Variants in TRPC3 observed in about 807,000 individuals in gnomAD.
The protein encoded by TRPC3 is short transient receptor potential channel 3.
Under a neutral mutation model 90.9 loss-of-function variants are expected in TRPC3, and 54 were observed. The ratio of observed to expected loss-of-function variants is 0.59; its 90% CI spans 0.48 to 0.75. TRPC3 has a LOEUF of 0.75. Ranked by LOEUF, TRPC3 falls within the 30% of genes least tolerant of loss-of-function variation. The pLI, the probability that TRPC3 is intolerant of heterozygous loss-of-function variation, is 0.00. For missense variants in TRPC3, 918 were observed against 1,194.5 expected (o/e 0.77, Z 3.41); for synonymous variants, 424 against 450.9 (o/e 0.94, Z 0.75).
chr4:121,880,282 T>C (rs575896067), intron 11 of TRPC3, among the ~76,000 whole-genome samples: 1 of 152,226 alleles, frequency 6.6e-6, no homozygotes, highest in East Asian at 1.9e-4. Context: ...AAGGGAATCC[T>C]AGAAAAACTA....
Position 121,925,099 on chromosome 4 carries a change from T to C in TRPC3, c.1095A>G (p.Glu365=). The C allele has an allele frequency of 6.2e-7, 1 of 1,614,196 alleles. No individual in the cohort carries two copies. Among genetic ancestry groups the C allele is most frequent in the Middle Eastern group, 1.6e-4 (1 of 6,062 alleles). The change falls in exon 3 of 12, where the codon GAA becomes GAG. Residue 365 remains glutamate, a synonymous_variant. Transcript: ENST00000379645. ...TGTGTACCTCCAGAGGCTCTGCTGA[T>C]TCCAGATCTCCATTCAGAATGGCTT... ...EVEAILNGDL[E]SAEPLEVHRH... is the part of the protein sequence containing the mutation.
chr4:121,917,663 A>G (rs1331493858), intron 3 of TRPC3, among the ~76,000 whole-genome samples: 1 of 152,222 alleles, frequency 6.6e-6, no homozygotes, highest in Non-Finnish European at 1.5e-5. Context: ...AGAATTTAAA[A>G]GAGTCTTAAT....
chr4:121,883,226 G>T (rs1157688577), intron 10 of TRPC3, among the ~76,000 whole-genome samples: 1 of 151,736 alleles, frequency 6.6e-6, no homozygotes, highest in African/African-American at 2.4e-5. Context: ...ATAAATTTGG[G>T]GTAGACCTGT....
chr4:121,949,230 A>G (rs1346772875), intron 1 of TRPC3, among the ~76,000 whole-genome samples: 1 of 152,236 alleles, frequency 6.6e-6, no homozygotes, highest in African/African-American at 2.4e-5. Flanking sequence ...TCAGTGGTTC[A>G]ATCAAGAGTT....
intron 3 of TRPC3, among the ~76,000 whole-genome samples, chr4:121,916,233 C>T (rs952073573): frequency 6.6e-6 from 1 of 152,064 alleles, no homozygotes; most frequent in Non-Finnish European, 1.5e-5. Context: ...AGTTTCCCAT[C>T]AACAATTTTA....
intron 11 of TRPC3, among the ~76,000 whole-genome samples, chr4:121,880,953 T>C (rs918555474): frequency 7.3e-6 from 1 of 136,882 alleles, no homozygotes; most frequent in African/African-American, 3.5e-5. Flanking sequence ...GGAGCCCTTT[T>C]GTGGCAAAAA....
At chr4:121,882,031 G>A (rs1727960421) in intron 11 of TRPC3, among the ~76,000 whole-genome samples, 1 of 152,050 alleles carries the variant, frequency 6.6e-6, no homozygotes, top group African/African-American at 2.4e-5. Flanking sequence ...ACACTAATGT[G>A]AACTCATTGA....
intron 8 of TRPC3, among the ~76,000 whole-genome samples, chr4:121,903,855 CAT>C (rs1452716673): frequency 3.3e-5 from 5 of 152,112 alleles, no homozygotes; most frequent in Non-Finnish European, 7.4e-5. Context: ...CATAAGAAAA[CAT>C]ATATACAACA....
intron 10 of TRPC3, among the ~76,000 whole-genome samples, chr4:121,895,561 C>T (rs968509434): frequency 2.0e-5 from 3 of 151,930 alleles, no homozygotes; most frequent in Middle Eastern, 6.8e-3. Context: ...TATGAATAAC[C>T]ATATGCCAAT....
rs545433832 is a variant in TRPC3, at chr4:121,941,437, G to A, written c.216-8395C>T. ...GGATCCTGTGCGTCAGTTTTGAAGG[G>A]CAAGAAGGGCAGATGGAGCCACAGA... On this transcript the variant is annotated intron_variant, in intron 1 of 11. Coordinates refer to ENST00000379645, the MANE Select transcript of TRPC3 (RefSeq NM_001130698.2). Among the ~76,000 whole-genome samples, 3 of 152,302 alleles carry A rather than the reference G, an allele frequency of 2.0e-5. No homozygotes were observed. The South Asian group carries it at 6.2e-4, about 32-fold the overall frequency.
At chr4:121,890,307 A>C (rs1033623662) in intron 10 of TRPC3, among the ~76,000 whole-genome samples, 1 of 152,200 alleles carries the variant, frequency 6.6e-6, no homozygotes, top group Admixed American at 6.5e-5. Flanking sequence ...AATAGCTAGA[A>C]GAGAGGATTT....
chr4:121,881,833 A>T (rs1727953556), intron 11 of TRPC3, among the ~76,000 whole-genome samples: 1 of 152,112 alleles, frequency 6.6e-6, no homozygotes, highest in African/African-American at 2.4e-5. Context: ...CCTGCCTCAA[A>T]TATGCCTTAA....
chr4:121,892,685 T>C (rs1327732860), intron 10 of TRPC3, among the ~76,000 whole-genome samples: 1 of 152,140 alleles, frequency 6.6e-6, no homozygotes, highest in Non-Finnish European at 1.5e-5. Context: ...CTTTAAAATG[T>C]CACTGAATAC....
intron 3 of TRPC3, among the ~76,000 whole-genome samples, chr4:121,915,291 G>C (rs1729270156): frequency 6.6e-6 from 1 of 152,154 alleles, no homozygotes; most frequent in Non-Finnish European, 1.5e-5. Flanking sequence ...CTTGCTGTTG[G>C]CCAGCTTACT....
chr4:121,907,259 G>C, intron 7 of TRPC3, 44 bp downstream of exon 7: 1 of 1,525,012 alleles, frequency 6.6e-7, no homozygotes, highest in Non-Finnish European at 8.8e-7. Context: ...AGATTGGTTA[G>C]AATTTCTCTT....
intron 10 of TRPC3, among the ~76,000 whole-genome samples, chr4:121,893,760 T>G (rs561553805): frequency 6.6e-6 from 1 of 152,254 alleles, no homozygotes; most frequent in South Asian, 2.1e-4. Context: ...CTAATATTGT[T>G]AAAATATGAA....
chr4:121,926,542 G>A (rs903092448), intron 2 of TRPC3, among the ~76,000 whole-genome samples: 1 of 151,898 alleles, frequency 6.6e-6, no homozygotes, highest in Non-Finnish European at 1.5e-5. Flanking sequence ...GAGTAGCTGG[G>A]ATTATAGGCA....
chr4:121,889,733 A>G (rs1009190117), intron 10 of TRPC3, among the ~76,000 whole-genome samples: 2 of 152,226 alleles, frequency 1.3e-5, no homozygotes, highest in Non-Finnish European at 2.9e-5. Flanking sequence ...TATATATCCA[A>G]AGGAAATGAA....
At chr4:121,901,075 AC>A (rs1163016042) in intron 9 of TRPC3, among the ~76,000 whole-genome samples, 3 of 152,138 alleles carry the variant, frequency 2.0e-5, no homozygotes, top group African/African-American at 7.2e-5. Flanking sequence ...TTTCCCTTCT[AC>A]ATTATGATAA....
Sources: allele counts gnomAD v4.1 joint callset (sites outside exome capture counted in the v4.1 genomes callset), GRCh38; gene constraint gnomAD v4.1.1; transcripts MANE v1.5; gene names NCBI Gene and HGNC (gene_info 2026-07-23, HGNC 2026-07-21).